Variants in PLCH2 observed in about 807,000 individuals in gnomAD.
The protein encoded by PLCH2 is 1-phosphatidylinositol 4,5-bisphosphate phosphodiesterase eta-2.
PLCH2 carries 98 observed loss-of-function variants against 134.7 expected under a neutral mutation model. The observed-to-expected ratio is 0.73, with a 90% CI of 0.62 to 0.86. The LOEUF (loss-of-function observed/expected upper bound fraction) is 0.86, where lower values mean the gene tolerates loss of function less well. Ranked by LOEUF, PLCH2 falls within the 40% of genes least tolerant of loss-of-function variation. The pLI, the probability that PLCH2 is intolerant of heterozygous loss-of-function variation, is 0.00. For missense variants in PLCH2, 1,994 were observed against 1,986.6 expected, an observed-to-expected ratio of 1.00 and a Z score of -0.07; for synonymous variants, 974 against 827.5, an observed-to-expected ratio of 1.18 and a Z score of -3.04.
At chr1:2,428,039 G>T (rs754352679) in intron 1 of PLCH2, among the ~76,000 whole-genome samples, 1 of 152,218 alleles carries the variant, frequency 6.6e-6, no homozygotes, top group Non-Finnish European at 1.5e-5. Context: ...CTGGGCACTC[G>T]GCCCGGAGCT....
At chr1:2,503,438 G>A (rs1398131978) in intron 21 of PLCH2, 6 of 601,238 alleles carry the variant, frequency 1.0e-5, no homozygotes, top group African/African-American at 5.6e-5. Flanking sequence ...TGAGTGCTGC[G>A]TGGAGTAGAT....
chr1:2,433,093 A>C (rs1160138632), intron 2 of PLCH2, among the ~76,000 whole-genome samples: 1 of 152,102 alleles, frequency 6.6e-6, no homozygotes, highest in Non-Finnish European at 1.5e-5. Flanking sequence ...GCCCCACTGA[A>C]CTCAGAGGTG....
chr1:2,480,468 T>C (rs1385326868), intron 4 of PLCH2, among the ~76,000 whole-genome samples, 156 bp downstream of exon 4: 1 of 152,146 alleles, frequency 6.6e-6, no homozygotes, highest in Non-Finnish European at 1.5e-5. Context: ...GATGGGGCTG[T>C]CTGACCAGCC....
chr1:2,456,800 G>T (rs976181838), intron 2 of PLCH2, among the ~76,000 whole-genome samples: 1 of 152,142 alleles, frequency 6.6e-6, no homozygotes, highest in African/African-American at 2.4e-5. Flanking sequence ...GGGCCCACTT[G>T]GTAGGACCTT....
upstream of PLCH2, among the ~76,000 whole-genome samples, chr1:2,474,015 A>G (rs759960565): frequency 1.3e-5 from 2 of 152,122 alleles, no homozygotes; most frequent in Non-Finnish European, 2.9e-5. Flanking sequence ...GTGGAACCAC[A>G]GAGCAGAGCG....
chr1:2,432,053 T>TG (rs1194683595), intron 2 of PLCH2, among the ~76,000 whole-genome samples: 1 of 152,106 alleles, frequency 6.6e-6, no homozygotes, highest in Admixed American at 6.5e-5. Context: ...GGTCCCAGAC[T>TG]GGGGGGCTTG....
At chr1:2,458,006 A>G (rs1640581298) in intron 2 of PLCH2, among the ~76,000 whole-genome samples, 1 of 152,066 alleles carries the variant, frequency 6.6e-6, no homozygotes, top group Admixed American at 6.5e-5. Context: ...GAGGCCGCAC[A>G]GGCAAGGGGC....
Position 2,504,195 on chromosome 1 carries a change from G to A in PLCH2, c.3233G>A (p.Gly1078Asp), listed in dbSNP as rs747515080. 1 of 1,547,966 alleles carries A rather than the reference G, an allele frequency of 6.5e-7. No individual in the cohort carries two copies. The highest frequency in any genetic ancestry group is 1.4e-5 in the African/African-American group (1 of 72,656). ...YERAPGSQTD[G>D]RSQPRTLGHL... ...AGGGCCCCCGGCAGCCAGACGGACG[G>A]CAGGAGCCAGCCCCGGACCCTGGGC... Residue 1078 changes from glycine (G) to aspartate (D), a missense_variant, in exon 22 of 22, where the codon GGC becomes GAC. This residue lies in a region of PLCH2 where 900 missense variants were observed against 752.3 expected (regional missense o/e 1.20). Transcript: ENST00000378486.
intron 2 of PLCH2, among the ~76,000 whole-genome samples, chr1:2,443,930 G>T (rs1459720480): frequency 1.3e-5 from 2 of 151,820 alleles, no homozygotes; most frequent in African/African-American, 2.4e-5. Context: ...CGCTGCAGCC[G>T]CCACGGAGAC....
chr1:2,430,004 A>C (rs535294284), intron 1 of PLCH2, among the ~76,000 whole-genome samples: 8 of 152,300 alleles, frequency 5.3e-5, no homozygotes, highest in Non-Finnish European at 1.0e-4. Flanking sequence ...AAGTGTCAAC[A>C]CAGAGAAACA....
rs532612516 is a variant in PLCH2, at chr1:2,456,984, G to A, written c.116-21492G>A. Among the ~76,000 whole-genome samples, 13 of 152,328 alleles carry A rather than the reference G, an allele frequency of 8.5e-5. No individual in the cohort carries two copies. In the East Asian group the frequency reaches 1.5e-3, roughly 18 times the overall value. On this transcript the variant is annotated intron_variant, in intron 2 of 3. Transcript: ENST00000609981. ...GCCTTAGGCAGGTCCTCTCTGTCCA[G>A]CCAGGGCCCCTACCTGTCATCTCCA... is the stretch of plus-strand genomic sequence containing the variant.
Position 2,444,916 on chromosome 1 carries a change from TAG to T in PLCH2, c.115+14291_115+14292del, listed in dbSNP as rs1639871118. 6.6e-6 allele frequency among the ~76,000 whole-genome samples: 1 copy of T among 152,030 alleles called. No individual in the cohort carries two copies. Among genetic ancestry groups the T allele is most frequent in the East Asian group, 1.9e-4 (1 of 5,152 alleles). On this transcript the variant is annotated intron_variant, in intron 2 of 3. Transcript: ENST00000609981. The surrounding 1 kb of genome is among the most constrained non-coding windows in gnomAD (Gnocchi z 4.6). Reference sequence around the variant, plus strand: ...GTCTGCCTGCCTGGGTGTCTGATCCTAGAGACTCCTTCAGCGAGGTGCAGCCT... The same window carrying T: ...GTCTGCCTGCCTGGGTGTCTGATCCTAGACTCCTTCAGCGAGGTGCAGCCT...
chr1:2,426,561 T>A (rs1247700063), intron 1 of PLCH2, among the ~76,000 whole-genome samples: 2 of 152,248 alleles, frequency 1.3e-5, no homozygotes, highest in African/African-American at 4.8e-5. Context: ...GCTCCCACGC[T>A]GACCTAGGGC....
chr1:2,428,727 C>T (rs937582536), intron 1 of PLCH2, among the ~76,000 whole-genome samples: 8 of 152,368 alleles, frequency 5.3e-5, no homozygotes, highest in South Asian at 2.1e-4. Context: ...CCGGCTGGGA[C>T]GGTGGCTGGA....
At chr1:2,488,251 T>C (rs899997057) in intron 8 of PLCH2, among the ~76,000 whole-genome samples, 2 of 152,186 alleles carry the variant, frequency 1.3e-5, no homozygotes, top group African/African-American at 2.4e-5. Context: ...GAAGAGCTGG[T>C]CCTTGCTGTC....
intron 2 of PLCH2, among the ~76,000 whole-genome samples, chr1:2,437,083 G>A (rs1570247527): frequency 1.3e-5 from 2 of 152,228 alleles, no homozygotes; most frequent in Non-Finnish European, 1.5e-5. Context: ...CCTTCTGTGG[G>A]GCAGGGCAGC....
At chr1:2,445,309 C>G (rs187916680) in intron 2 of PLCH2, among the ~76,000 whole-genome samples, 1 of 152,128 alleles carries the variant, frequency 6.6e-6, no homozygotes, top group Admixed American at 6.5e-5. Context: ...GAGCCTGCAG[C>G]CTCGTCTGGA....
At chr1:2,501,629 C>T (rs1230187933) in intron 20 of PLCH2, 2 of 158,884 alleles carry the variant, frequency 1.3e-5, no homozygotes, top group Admixed American at 1.3e-4. Context: ...CCCGCTGCAC[C>T]TGGCTACTCC....
chr1:2,491,168 C>A (rs758790171), intron 10 of PLCH2, 24 bp from the exon 11 acceptor site: 3 of 1,604,294 alleles, frequency 1.9e-6, no homozygotes, highest in East Asian at 2.2e-5. Context: ...CAGATGCCAA[C>A]AGGCCGGCCT....
Sources: gnomAD v4.1 joint callset for allele counts (sites outside exome capture counted in the v4.1 genomes callset) on GRCh38, gnomAD v4.1.1 for gene constraint, gnomAD v4.1.1 regional missense constraint, Gnocchi (gnomAD v3.1) non-coding constraint, MANE v1.5 for transcripts, NCBI Gene and HGNC (gene_info 2026-07-23, HGNC 2026-07-21) for gene names.